The following RHEB variants were observed in gnomAD, a reference collection of about 807,000 sequenced individuals.
The protein encoded by RHEB is Ras homolog, mTORC1 binding, also known as GTP-binding protein Rheb.
Under a neutral mutation model 28.8 loss-of-function variants are expected in RHEB, and 2 were observed. That is an observed-to-expected ratio of 0.07 (90% CI 0.03 to 0.22). The LOEUF is 0.22. Ranked by LOEUF, RHEB falls within the 10% of genes least tolerant of loss-of-function variation. RHEB has a pLI of 1.00. For missense variants in RHEB, 76 were observed against 219.9 expected (o/e 0.35, Z 4.14); for synonymous variants, 69 against 77.3 (o/e 0.89, Z 0.56).
At chr7:151,495,817 G>C (rs1415396501) in intron 1 of RHEB, among the ~76,000 whole-genome samples, 2 of 152,156 alleles carry the variant, frequency 1.3e-5, no homozygotes, top group Non-Finnish European at 2.9e-5. Context: ...GCTGAGTGTG[G>C]TGATGTGTGC....
rs200255322 is a variant in RHEB at position 151,471,478 on chromosome 7, C to A, written c.333-37G>T. 5.7e-4 allele frequency: 879 copies of A among 1,548,378 alleles called. 3 individuals are homozygous for A. Among genetic ancestry groups the A allele is most frequent in the Middle Eastern group, 2.9e-3 (17 of 5,886 alleles). On this transcript the variant is annotated intron_variant, in intron 5 of 7. Transcript: ENST00000262187. ...AAAAAAAAGACAAACCAGTAAGTGC[C>A]AGATTGTATTGCTCAGAAGATACTA...
At chr7:151,494,726 A>G (rs1802644996) in intron 1 of RHEB, among the ~76,000 whole-genome samples, 1 of 152,214 alleles carries the variant, frequency 6.6e-6, no homozygotes, top group African/African-American at 2.4e-5. Flanking sequence ...GTGGCACTGG[A>G]GAAAAACTAC....
chr7:151,468,772 AC>A lies in RHEB; in HGVS notation c.463-1562del, dbSNP rs900173090. ...CTGTCCTCCTAGTTAACTGAAGCCA[AC>A]CCCAGGTCCCACCCCGCTTGTCTAA... On this transcript the variant is annotated intron_variant, in intron 7 of 7. Coordinates refer to ENST00000262187, the MANE Select transcript of RHEB (RefSeq NM_005614.4). This position sits in a 1 kb window ranked among gnomAD's most constrained non-coding sequence, Gnocchi z 4.3. Among the ~76,000 whole-genome samples, 3 of 152,052 alleles carry A rather than the reference AC, an allele frequency of 2.0e-5. No homozygotes were observed. Among genetic ancestry groups the A allele is most frequent in the African/African-American group, 7.2e-5 (3 of 41,384 alleles).
At chr7:151,469,681 C>T (rs141841145) in intron 7 of RHEB, among the ~76,000 whole-genome samples, 25 of 152,154 alleles carry the variant, frequency 1.6e-4, no homozygotes, top group African/African-American at 3.4e-4. Flanking sequence ...TATTTTAAAC[C>T]GGAGGGGAGC....
chr7:151,490,146 T>C (rs1404784403), intron 2 of RHEB, among the ~76,000 whole-genome samples: 1 of 152,204 alleles, frequency 6.6e-6, no homozygotes, highest in African/African-American at 2.4e-5. Flanking sequence ...AGAATCAAGA[T>C]CTGTCTCAAA....
At chr7:151,492,036 A>G (rs1347237523) in intron 1 of RHEB, among the ~76,000 whole-genome samples, 1 of 152,192 alleles carries the variant, frequency 6.6e-6, no homozygotes, top group Non-Finnish European at 1.5e-5. Context: ...CTTTATCACC[A>G]GGAATGAGGA....
chr7:151,500,725 T>C (rs1180866497), intron 1 of RHEB, among the ~76,000 whole-genome samples: 1 of 152,214 alleles, frequency 6.6e-6, no homozygotes, highest in Non-Finnish European at 1.5e-5. Context: ...GCTTGGTTTG[T>C]ATCCTATAAA....
intron 6 of RHEB, among the ~76,000 whole-genome samples, chr7:151,471,062 C>G (rs73729813): frequency 6.6e-6 from 1 of 152,264 alleles, no homozygotes; most frequent in Non-Finnish European, 1.5e-5. Context: ...GCTGCCTGGG[C>G]AGGGGACATC....
At chr7:151,508,329 C>G (rs952775223) in intron 1 of RHEB, among the ~76,000 whole-genome samples, 1 of 152,064 alleles carries the variant, frequency 6.6e-6, no homozygotes, top group Non-Finnish European at 1.5e-5. Flanking sequence ...ATAATTTCTT[C>G]AAAAGTTCTT....
At position 151,514,030 on chromosome 7, in the gene RHEB, C is replaced by T. The variant is rs543639784; in HGVS notation, c.52+5430G>A. 4.6e-5 allele frequency among the ~76,000 whole-genome samples: 7 copies of T among 152,258 alleles called. No individual in the cohort carries two copies. In the South Asian group the frequency reaches 6.2e-4, roughly 14 times the overall value. On this transcript the variant is annotated intron_variant, in intron 1 of 7. Coordinates refer to ENST00000262187, the MANE Select transcript of RHEB (RefSeq NM_005614.4). ...GCTACAAAACTACAGTAATCAAGAT[C>T]GTATGGTACTGGCAGGACAGACATA...
intron 1 of RHEB, chr7:151,501,887 G>A (rs970960873): frequency 1.5e-6 from 1 of 665,730 alleles, no homozygotes; most frequent in South Asian, 1.4e-5. Context: ...GATGGTGGAC[G>A]ACCCCAGTGC....
chr7:151,500,334 C>A (rs189922108), intron 1 of RHEB, among the ~76,000 whole-genome samples: 2 of 151,816 alleles, frequency 1.3e-5, no homozygotes, highest in East Asian at 3.9e-4. Context: ...AATAAGAAAA[C>A]CTTAAGAAGA....
chr7:151,483,759 T>C (rs1268480789), intron 3 of RHEB, among the ~76,000 whole-genome samples: 1 of 152,128 alleles, frequency 6.6e-6, no homozygotes, highest in Non-Finnish European at 1.5e-5. Context: ...CCCAGCTTCT[T>C]TACATTCCTC....
rs1802182108 is a variant in RHEB, at chr7:151,472,578, T to C, written c.276-973A>G. 6.6e-6 allele frequency among the ~76,000 whole-genome samples: 1 copy of C among 152,240 alleles called. No individual in the cohort carries two copies. Among genetic ancestry groups the C allele is most frequent in the South Asian group, 2.1e-4 (1 of 4,834 alleles). The stretch of plus-strand genomic sequence containing the variant: ...CTTCTTACACCTCTTCTGTTTACCC[T>C]AAATGACAAATTTCCTTTCCATTTC... On this transcript the variant is annotated intron_variant, in intron 4 of 7. Coordinates refer to ENST00000262187, the MANE Select transcript of RHEB (RefSeq NM_005614.4). This position sits in a 1 kb window ranked among gnomAD's most constrained non-coding sequence, Gnocchi z 5.2.
At chr7:151,491,384 G>T (rs1393643815) in intron 1 of RHEB, among the ~76,000 whole-genome samples, 4 of 152,160 alleles carry the variant, frequency 2.6e-5, no homozygotes, top group Non-Finnish European at 5.9e-5. Flanking sequence ...AAAATGATTA[G>T]TTTCGTTGTA....
At chr7:151,469,147 G>T (rs561275294) in intron 7 of RHEB, among the ~76,000 whole-genome samples, 1 of 152,118 alleles carries the variant, frequency 6.6e-6, no homozygotes, top group African/African-American at 2.4e-5. Flanking sequence ...ACTTGGGAAC[G>T]AATTACACAC....
chr7:151,476,904 T>C (rs73154857), intron 4 of RHEB, among the ~76,000 whole-genome samples: 11,522 of 152,274 alleles, frequency 0.076, 622 homozygotes, highest in African/African-American at 0.14. Context: ...TGTTTTTATG[T>C]AGTAAAGTCA....
intron 4 of RHEB, among the ~76,000 whole-genome samples, chr7:151,474,983 CTA>C (rs1400460672): frequency 1.3e-5 from 2 of 152,210 alleles, no homozygotes; most frequent in African/African-American, 4.8e-5. Flanking sequence ...GCTCATTAAA[CTA>C]TGAGTTACTG....
chr7:151,491,159 A>C, intron 1 of RHEB, 145 bp from the exon 2 acceptor site: 1 of 601,924 alleles, frequency 1.7e-6, no homozygotes, highest in South Asian at 2.1e-5. Context: ...GCATGTGAGC[A>C]ATTTCAAAAA....
Sources: allele counts gnomAD v4.1 joint callset (sites outside exome capture counted in the v4.1 genomes callset), GRCh38; gene constraint gnomAD v4.1.1; non-coding constraint Gnocchi (gnomAD v3.1); transcripts MANE v1.5; gene names NCBI Gene and HGNC (gene_info 2026-07-23, HGNC 2026-07-21).